PCNP: variants seen among roughly 807,000 people sequenced by gnomAD.
The protein encoded by PCNP is PEST proteolytic signal-containing nuclear protein.
A neutral mutation model predicts 21.8 loss-of-function variants in PCNP; 6 were observed. That is an observed-to-expected ratio of 0.28 (90% confidence interval 0.15 to 0.54). PCNP has a LOEUF of 0.54. Among genes scored for constraint, PCNP ranks in the 20% least tolerant of loss-of-function variants. The pLI is 0.95. For synonymous variants in PCNP, 67 were observed against 73.2 expected, an observed-to-expected ratio of 0.92 and a Z score of 0.43; for missense variants, 161 against 215.5, an observed-to-expected ratio of 0.75 and a Z score of 1.58.
chr3:101,574,108 G>A (rs1330452268), upstream of PCNP: 1 of 1,444,176 alleles, frequency 6.9e-7, no homozygotes, highest in African/African-American at 1.4e-5. Context: ...TCATTCCTCG[G>A]GACCGCTCTA....
rs1210612403 is a variant in PCNP, at chr3:101,586,887, G to A, written c.354+1376G>A. Among the ~76,000 whole-genome samples, 5 of 152,102 alleles carry A rather than the reference G, an allele frequency of 3.3e-5. No homozygotes were observed. The East Asian group carries it at 7.7e-4, about 23-fold the overall frequency. ...GTGGATAAGACTTAATATGTTCAGA[G>A]GACTGGAGTGATTTGGGAAGAATAT... On this transcript the variant is annotated intron_variant, in intron 3 of 4. Transcript: ENST00000265260.
At position 101,576,397 on chromosome 3, in the gene PCNP, G is replaced by A. The variant is rs564371018; in HGVS notation, c.64+2118G>A. On this transcript the variant is annotated intron_variant, in intron 1 of 4. Transcript: ENST00000265260. ...CTACAGGCGCGGGCCACCACGCCCAGCTAATTTTTGTATTTTTATTTTTTA... is the reference window on the plus strand; with the variant it reads ...CTACAGGCGCGGGCCACCACGCCCAACTAATTTTTGTATTTTTATTTTTTA... 6 of 1,053,730 alleles carry A rather than the reference G, an allele frequency of 5.7e-6. No homozygotes were observed. In the African/African-American group the frequency reaches 8.0e-5, roughly 14 times the overall value. 65.3% of individuals were successfully genotyped at this position (1,053,730 alleles called of 1,614,324 possible).
At chr3:101,590,733 G>A (rs1205956225) in intron 4 of PCNP, among the ~76,000 whole-genome samples, 1 of 151,490 alleles carries the variant, frequency 6.6e-6, no homozygotes, top group Non-Finnish European at 1.5e-5. Context: ...ATTTTTAGTA[G>A]AGGCAAGGTC....
At chr3:101,583,182 C>T (rs1293759236) in intron 2 of PCNP, among the ~76,000 whole-genome samples, 4 of 151,914 alleles carry the variant, frequency 2.6e-5, no homozygotes, top group Admixed American at 1.3e-4. Flanking sequence ...CAAGGCTGGG[C>T]GCGGTGGCTC....
At chr3:101,588,970 G>T (rs191714047) in intron 3 of PCNP, among the ~76,000 whole-genome samples, 1 of 152,296 alleles carries the variant, frequency 6.6e-6, no homozygotes, top group African/African-American at 2.4e-5. Flanking sequence ...AATTTATTTT[G>T]TGGGGATAGG....
chr3:101,583,221 C>T (rs977713864), intron 2 of PCNP, among the ~76,000 whole-genome samples: 1 of 152,130 alleles, frequency 6.6e-6, no homozygotes, highest in African/African-American at 2.4e-5. Flanking sequence ...CTTTGGGAGG[C>T]CAAGTCAGTG....
rs1375120385 is a variant in PCNP at position 101,594,262 on chromosome 3, T to G, written c.*1509T>G. ...TATCGATACATGAATTTAACTTACTTTAATGTAGGCAAACTATCAATTTTT... is the reference window on the plus strand; with the variant it reads ...TATCGATACATGAATTTAACTTACTGTAATGTAGGCAAACTATCAATTTTT... On this transcript the variant is annotated 3_prime_UTR_variant, in exon 5 of 5. Coordinates refer to ENST00000265260, the MANE Select transcript of PCNP (RefSeq NM_020357.3). 1 of 152,626 alleles carries G rather than the reference T, an allele frequency of 6.6e-6. No individual in the cohort carries two copies. Among genetic ancestry groups the G allele is most frequent in the Non-Finnish European group, 1.5e-5 (1 of 68,032 alleles). The allele number at this position is 152,626 out of a possible 1,614,324, so 9.5% of individuals were successfully genotyped here.
chr3:101,590,135 T>C, intron 3 of PCNP, 80 bp from the exon 4 acceptor site: 1 of 758,196 alleles, frequency 1.3e-6, no homozygotes, highest in Non-Finnish European at 2.3e-6. Flanking sequence ...AAGACTTAGA[T>C]ATAAAATTTA....
In PCNP at chr3:101,574,192, G is replaced by A; in HGVS notation, c.-24G>A. 1.3e-6 allele frequency: 2 copies of A among 1,548,876 alleles called. No individual in the cohort carries two copies. Among genetic ancestry groups the A allele is most frequent in the East Asian group, 2.5e-5 (1 of 40,710 alleles). ...GGGTCGTGACGTCCTTGGCGTGGCT[G>A]CAGGGGAGGCCGCGGCGGGGAAAAT... On this transcript the variant is annotated 5_prime_UTR_variant, in exon 1 of 5. Transcript: ENST00000265260.
rs1319098736 is a variant in PCNP at position 101,574,287 on chromosome 3, C to T, written c.64+8C>T. Reference sequence around the variant, plus strand: ...GAGCTGGAGCCGCCGGAGGTGAACACAACCCCAGCGTCGTGGGCAGCGTGG... The same window carrying T: ...GAGCTGGAGCCGCCGGAGGTGAACATAACCCCAGCGTCGTGGGCAGCGTGG... On this transcript the variant is annotated splice_region_variant and intron_variant, in intron 1 of 4. Coordinates refer to ENST00000265260, the MANE Select transcript of PCNP (RefSeq NM_020357.3). The T allele has an allele frequency of 6.5e-6, 10 of 1,543,288 alleles. No individual in the cohort carries two copies. Among genetic ancestry groups the T allele is most frequent in the Non-Finnish European group, 7.9e-6 (9 of 1,141,984 alleles).
intron 3 of PCNP, 124 bp from the exon 4 acceptor site, chr3:101,590,091 C>T: frequency 1.5e-6 from 1 of 652,400 alleles, no homozygotes; most frequent in Non-Finnish European, 2.8e-6. Context: ...TAATTTTCTC[C>T]TTTTACCAAA....
intron 1 of PCNP, among the ~76,000 whole-genome samples, chr3:101,578,430 G>A (rs1935045425): frequency 6.6e-6 from 1 of 152,002 alleles, no homozygotes; most frequent in African/African-American, 2.4e-5. Context: ...AATTCTTCAG[G>A]TGCTTTTGTG....
At chr3:101,588,474 T>TA (rs1480809257) in intron 3 of PCNP, among the ~76,000 whole-genome samples, 1 of 152,212 alleles carries the variant, frequency 6.6e-6, no homozygotes, top group East Asian at 1.9e-4. Flanking sequence ...CTCATAGATT[T>TA]AAAAAACACA....
chr3:101,592,583 G>C, intron 4 of PCNP, 44 bp from the exon 5 acceptor site: 1 of 1,505,158 alleles, frequency 6.6e-7, no homozygotes, highest in Non-Finnish European at 9.1e-7. Context: ...AACCTGAAAG[G>C]CTTTATATAA....
chr3:101,576,618 G>A (rs987389285), intron 1 of PCNP: 6 of 1,611,446 alleles, frequency 3.7e-6, no homozygotes, highest in Non-Finnish European at 5.1e-6. Context: ...GTCGCTCCAG[G>A]TCTTCACGGA....
intron 1 of PCNP, among the ~76,000 whole-genome samples, chr3:101,577,134 T>C (rs1559956250): frequency 2.6e-5 from 4 of 152,236 alleles, no homozygotes. Context: ...CAACATTAAT[T>C]TCTGTCTATG....
chr3:101,580,243 A>G (rs767178359), intron 2 of PCNP, among the ~76,000 whole-genome samples: 1 of 152,156 alleles, frequency 6.6e-6, no homozygotes, highest in Non-Finnish European at 1.5e-5. Context: ...ATTATAGGGA[A>G]TATGATTTAT....
intron 2 of PCNP, among the ~76,000 whole-genome samples, chr3:101,584,611 C>T (rs1448169700): frequency 6.6e-6 from 1 of 152,046 alleles, no homozygotes; most frequent in Non-Finnish European, 1.5e-5. Flanking sequence ...GTTACCCAGG[C>T]TGGAATGCAG....
At chr3:101,582,105 T>G (rs1935256509) in intron 2 of PCNP, among the ~76,000 whole-genome samples, 1 of 151,752 alleles carries the variant, frequency 6.6e-6, no homozygotes, top group African/African-American at 2.4e-5. Context: ...GGTTATATTT[T>G]GAAAAAACTA....
Sources: allele counts gnomAD v4.1 joint callset (sites outside exome capture counted in the v4.1 genomes callset), GRCh38; gene constraint gnomAD v4.1.1; transcripts MANE v1.5; gene names NCBI Gene and HGNC (gene_info 2026-07-23, HGNC 2026-07-21).